Variants in OXR1 observed in about 807,000 individuals in gnomAD.
OXR1 encodes the protein oxidation resistance protein 1.
OXR1 carries 41 observed loss-of-function variants against 104.6 expected under a neutral mutation model. The ratio of observed to expected loss-of-function variants is 0.39; its 90% CI spans 0.31 to 0.51. The LOEUF is 0.51. Ranked by LOEUF, OXR1 falls within the 20% of genes least tolerant of loss-of-function variation. The pLI, the probability that OXR1 is intolerant of heterozygous loss-of-function variation, is 0.77. For synonymous variants in OXR1, 348 were observed against 348.4 expected (o/e 1.00, Z 0.01); for missense variants, 955 against 1,031.9 (o/e 0.93, Z 1.02).
At chr8:106,739,320 T>C in intron 12 of OXR1, 138 bp from the exon 13 acceptor site, 1 of 703,058 alleles carries the variant, frequency 1.4e-6, no homozygotes, top group Non-Finnish European at 2.4e-6. Flanking sequence ...TGGGCCATCT[T>C]TTGCCCTATA....
intron 2 of OXR1, among the ~76,000 whole-genome samples, chr8:106,362,317 G>T (rs925346168): frequency 6.6e-6 from 1 of 152,124 alleles, no homozygotes; most frequent in Non-Finnish European, 1.5e-5. Flanking sequence ...GTTAATGTGG[G>T]AAGTGCAGGA....
intron 11 of OXR1, among the ~76,000 whole-genome samples, chr8:106,716,981 T>G (rs1832325652): frequency 6.6e-6 from 1 of 151,026 alleles, no homozygotes; most frequent in African/African-American, 2.4e-5. Flanking sequence ...AGGTCAGGAG[T>G]TTGAGACCAG....
At chr8:106,457,328 C>T (rs933943376) in intron 2 of OXR1, among the ~76,000 whole-genome samples, 3 of 152,166 alleles carry the variant, frequency 2.0e-5, no homozygotes, top group African/African-American at 4.8e-5. Flanking sequence ...TGGGATGATG[C>T]AGCAGGAAGG....
chr8:106,415,772 A>T (rs1392072198), intron 2 of OXR1, among the ~76,000 whole-genome samples: 1 of 152,128 alleles, frequency 6.6e-6, no homozygotes, highest in African/African-American at 2.4e-5. Flanking sequence ...TATTATTTTG[A>T]ACTTATATAA....
At chr8:106,360,004 G>T (rs909991582) in intron 2 of OXR1, among the ~76,000 whole-genome samples, 1 of 152,092 alleles carries the variant, frequency 6.6e-6, no homozygotes, top group Non-Finnish European at 1.5e-5. Flanking sequence ...CCAGTGTGGG[G>T]TAGATATTTG....
At chr8:106,688,006 C>T (rs1049675684) in intron 6 of OXR1, among the ~76,000 whole-genome samples, 1 of 152,066 alleles carries the variant, frequency 6.6e-6, no homozygotes, top group Non-Finnish European at 1.5e-5. Flanking sequence ...TTATAAAAGT[C>T]GATATAGTAA....
chr8:106,548,530 A>AAT (rs1424780448), intron 3 of OXR1, among the ~76,000 whole-genome samples: 1 of 152,236 alleles, frequency 6.6e-6, no homozygotes, highest in Non-Finnish European at 1.5e-5. Flanking sequence ...AAAATGTTAT[A>AAT]ATATATAAAA....
intron 11 of OXR1, among the ~76,000 whole-genome samples, chr8:106,722,436 A>T (rs1563746611): frequency 6.6e-6 from 1 of 152,224 alleles, no homozygotes; most frequent in Non-Finnish European, 1.5e-5. Context: ...TTAAACACTT[A>T]ATTAGAATTT....
intron 2 of OXR1, among the ~76,000 whole-genome samples, chr8:106,514,692 C>G (rs1812749556): frequency 1.3e-5 from 2 of 151,946 alleles, no homozygotes; most frequent in Admixed American, 1.3e-4. Flanking sequence ...AATATCTATC[C>G]CTTTATCAAA....
chr8:106,645,325 T>C (rs898821873), intron 3 of OXR1, among the ~76,000 whole-genome samples: 5 of 152,208 alleles, frequency 3.3e-5, no homozygotes, highest in South Asian at 2.1e-4. Flanking sequence ...TAAATTCTAC[T>C]GGTGGTGGTG....
At chr8:106,580,081 A>T (rs1209055310) in intron 3 of OXR1, among the ~76,000 whole-genome samples, 1 of 152,210 alleles carries the variant, frequency 6.6e-6, no homozygotes, top group African/African-American at 2.4e-5. Context: ...CATGAGAATA[A>T]TTTCAACAAG....
chr8:106,715,110 A>T (rs139905835), intron 11 of OXR1, among the ~76,000 whole-genome samples: 43 of 152,256 alleles, frequency 2.8e-4, no homozygotes, highest in Non-Finnish European at 4.7e-4. Flanking sequence ...TTGAATACTT[A>T]CAGAATTCCA....
At chr8:106,665,608 G>C (rs543041383) in intron 3 of OXR1, among the ~76,000 whole-genome samples, 1 of 152,154 alleles carries the variant, frequency 6.6e-6, no homozygotes, top group African/African-American at 2.4e-5. Flanking sequence ...ACAAGGGAAA[G>C]TAGGTTTTTA....
chr8:106,700,973 G>T (rs1384480684), intron 7 of OXR1, among the ~76,000 whole-genome samples: 1 of 150,374 alleles, frequency 6.7e-6, no homozygotes, highest in Non-Finnish European at 1.5e-5. Flanking sequence ...CTTTAAAGTT[G>T]TTTTTTTTTA....
At chr8:106,505,614 T>C (rs1303654664) in intron 2 of OXR1, among the ~76,000 whole-genome samples, 2 of 152,108 alleles carry the variant, frequency 1.3e-5, no homozygotes, top group African/African-American at 2.4e-5. Flanking sequence ...CTTAAAATTG[T>C]AGGGATGGTC....
chr8:106,421,108 T>A (rs191171666), intron 2 of OXR1, among the ~76,000 whole-genome samples: 1 of 152,130 alleles, frequency 6.6e-6, no homozygotes, highest in African/African-American at 2.4e-5. Flanking sequence ...AATAGAATTA[T>A]TAAGATAAGC....
chr8:106,646,269 C>A (rs1340909941), intron 3 of OXR1, among the ~76,000 whole-genome samples: 1 of 151,910 alleles, frequency 6.6e-6, no homozygotes, highest in African/African-American at 2.4e-5. Flanking sequence ...CCAAGCCTGA[C>A]TAATTTTTGT....
chr8:106,705,888 G>A (rs1831099373), intron 8 of OXR1, among the ~76,000 whole-genome samples: 1 of 151,986 alleles, frequency 6.6e-6, no homozygotes, highest in Admixed American at 6.6e-5. Flanking sequence ...CCTTACATTT[G>A]AGCCATATAT....
At chr8:106,594,598 A>G (rs3110431) in intron 3 of OXR1, among the ~76,000 whole-genome samples, 55,692 of 151,978 alleles carry the variant, frequency 0.37, 10,984 homozygotes, top group African/African-American at 0.51. Flanking sequence ...GTGTGAGTAC[A>G]TAATCTCTTC....
Sources: gnomAD v4.1 joint callset for allele counts (sites outside exome capture counted in the v4.1 genomes callset) on GRCh38, gnomAD v4.1.1 for gene constraint, MANE v1.5 for transcripts, NCBI Gene and HGNC (gene_info 2026-07-23, HGNC 2026-07-21) for gene names.